ZFYVE9: variants seen among roughly 807,000 people sequenced by gnomAD.
ZFYVE9 encodes the protein zinc finger FYVE-type containing 9.
A neutral mutation model predicts 126.7 loss-of-function variants in ZFYVE9; 43 were observed. The ratio of observed to expected loss-of-function variants is 0.34; its 90% confidence interval spans 0.27 to 0.44. The LOEUF (loss-of-function observed/expected upper bound fraction) is 0.44, where lower values mean the gene tolerates loss of function less well. ZFYVE9 is among the 20% of genes least tolerant of loss of function. The pLI is 1.00. For missense variants in ZFYVE9, 1,476 were observed against 1,697.0 expected (o/e 0.87, Z 2.29); for synonymous variants, 521 against 597.4 (o/e 0.87, Z 1.87).
At chr1:52,233,803 T>C (rs1645247103) in intron 3 of ZFYVE9, among the ~76,000 whole-genome samples, 1 of 152,194 alleles carries the variant, frequency 6.6e-6, no homozygotes, top group Admixed American at 6.6e-5. Context: ...TGTTGGTTGG[T>C]TGGTTTTTTG....
chr1:52,164,519 T>C (rs1178663964), intron 1 of ZFYVE9, among the ~76,000 whole-genome samples: 2 of 152,130 alleles, frequency 1.3e-5, no homozygotes, highest in African/African-American at 4.8e-5. Flanking sequence ...AAGCCGACAA[T>C]GAGTATATAT....
At chr1:52,262,150 GCTTA>G (rs1445633573) in intron 4 of ZFYVE9, among the ~76,000 whole-genome samples, 2 of 152,326 alleles carry the variant, frequency 1.3e-5, no homozygotes, top group East Asian at 3.9e-4. Flanking sequence ...GCGAGGGCCT[GCTTA>G]CTTATAGACA....
At chr1:52,236,569 A>G (rs540751896) in intron 3 of ZFYVE9, among the ~76,000 whole-genome samples, 47 of 152,200 alleles carry the variant, frequency 3.1e-4, no homozygotes, top group Non-Finnish European at 5.9e-4. Flanking sequence ...CAGTAGCCCT[A>G]TAACTTGAGA....
intron 1 of ZFYVE9, chr1:52,180,324 C>T: frequency 6.3e-7 from 1 of 1,576,812 alleles, no homozygotes; most frequent in South Asian, 1.1e-5. Flanking sequence ...TAGGAATCTG[C>T]CCATGATATT....
intron 7 of ZFYVE9, among the ~76,000 whole-genome samples, chr1:52,273,152 A>T (rs1350056538): frequency 1.3e-5 from 2 of 151,770 alleles, no homozygotes; most frequent in African/African-American, 4.8e-5. Context: ...GATTACAGGC[A>T]TGCGCCACCA....
intron 1 of ZFYVE9, among the ~76,000 whole-genome samples, chr1:52,199,251 T>G (rs1438704579): frequency 6.6e-6 from 1 of 152,142 alleles, no homozygotes; most frequent in Non-Finnish European, 1.5e-5. Flanking sequence ...TTTTTTTTAG[T>G]AGAGACGGAG....
chr1:52,157,546 T>C (rs1478450050), intron 1 of ZFYVE9, among the ~76,000 whole-genome samples: 7 of 151,414 alleles, frequency 4.6e-5, no homozygotes, highest in African/African-American at 1.7e-4. Flanking sequence ...GGATGACAGG[T>C]GCCCACCACC....
At chr1:52,205,041 A>G (rs553458267) in intron 1 of ZFYVE9, among the ~76,000 whole-genome samples, 1 of 148,150 alleles carries the variant, frequency 6.7e-6, no homozygotes, top group Non-Finnish European at 1.5e-5. Flanking sequence ...TGTCCCTTCG[A>G]ATTTGGGTCA....
At chr1:52,162,682 G>A in intron 1 of ZFYVE9, 1 of 293,730 alleles carries the variant, frequency 3.4e-6, no homozygotes, top group Admixed American at 3.7e-5. Context: ...TTGGGATCTG[G>A]ATTTGCCCTT....
chr1:52,145,431 C>A (rs1244320897), intron 1 of ZFYVE9, among the ~76,000 whole-genome samples: 1 of 152,130 alleles, frequency 6.6e-6, no homozygotes, highest in Non-Finnish European at 1.5e-5. Flanking sequence ...TTCTTATGTT[C>A]CTAAAGATAT....
intron 1 of ZFYVE9, among the ~76,000 whole-genome samples, chr1:52,176,806 A>G (rs1644635864): frequency 6.6e-6 from 1 of 152,104 alleles, no homozygotes; most frequent in Non-Finnish European, 1.5e-5. Flanking sequence ...CAGGTGTGGG[A>G]TATAATCTCC....
chr1:52,345,120 G>C (rs566238502), intron 18 of ZFYVE9, among the ~76,000 whole-genome samples, 176 bp downstream of exon 18: 19 of 152,286 alleles, frequency 1.2e-4, no homozygotes, highest in African/African-American at 4.6e-4. Context: ...TGCTTGGTCA[G>C]ATTCTCTCAG....
At chr1:52,182,929 A>C (rs1411911722) in intron 1 of ZFYVE9, among the ~76,000 whole-genome samples, 2 of 152,162 alleles carry the variant, frequency 1.3e-5, no homozygotes, top group African/African-American at 2.4e-5. Flanking sequence ...TATAAAAAGA[A>C]TATTTAGTTT....
At chr1:52,209,967 A>C (rs1030112473) in intron 1 of ZFYVE9, among the ~76,000 whole-genome samples, 6 of 152,188 alleles carry the variant, frequency 3.9e-5, no homozygotes, top group Non-Finnish European at 8.8e-5. Context: ...GGGGGCAGGG[A>C]GACTAGGATT....
intron 2 of ZFYVE9, among the ~76,000 whole-genome samples, chr1:52,228,403 A>G (rs1645188881): frequency 6.6e-6 from 1 of 152,216 alleles, no homozygotes; most frequent in Non-Finnish European, 1.5e-5. Flanking sequence ...GTAGGAAGGA[A>G]TGTTTACCAC....
rs1366462391 is a variant in ZFYVE9, at chr1:52,239,546, C to A, written c.2129C>A (p.Ala710Asp). 4.3e-6 allele frequency: 7 copies of A among 1,613,984 alleles called. No individual in the cohort carries two copies. The Admixed American group carries it at 1.0e-4, about 23-fold the overall frequency. The change falls in exon 4 of 19, where the codon GCC becomes GAC. Residue 710 changes from alanine (A) to aspartate (D), a missense_variant. By Grantham distance (126) the Ala-to-Asp change is moderately radical (BLOSUM62 -2). This residue lies in a region of ZFYVE9 where 669 missense variants were observed against 902.4 expected (regional missense o/e 0.74). Transcript: ENST00000287727. ...SQAPNCMKCEARFTFTKRRHH... is the reference protein window; with the variant it reads ...SQAPNCMKCEDRFTFTKRRHH... Reference sequence around the variant, plus strand: ...GCTCCAAATTGCATGAAATGTGAAGCCAGGTTTACATTCACCAAAAGGAGG... The same window carrying A: ...GCTCCAAATTGCATGAAATGTGAAGACAGGTTTACATTCACCAAAAGGAGG...
At chr1:52,327,255 T>A (rs1646299841) in intron 13 of ZFYVE9, among the ~76,000 whole-genome samples, 1 of 152,168 alleles carries the variant, frequency 6.6e-6, no homozygotes, top group Admixed American at 6.5e-5. Context: ...GAGAATGTGC[T>A]ATGGCATTTC....
chr1:52,165,888 T>C (rs1644508679), intron 1 of ZFYVE9, among the ~76,000 whole-genome samples: 1 of 152,194 alleles, frequency 6.6e-6, no homozygotes, highest in African/African-American at 2.4e-5. Flanking sequence ...TCATCAATTA[T>C]TGGAGGATTG....
chr1:52,236,460 A>G (rs898196804), intron 3 of ZFYVE9, among the ~76,000 whole-genome samples: 3 of 152,196 alleles, frequency 2.0e-5, no homozygotes, highest in Non-Finnish European at 4.4e-5. Context: ...ATATATCTGC[A>G]TAATTTCAGG....
Sources: gnomAD v4.1 joint callset for allele counts (sites outside exome capture counted in the v4.1 genomes callset) on GRCh38, gnomAD v4.1.1 for gene constraint, gnomAD v4.1.1 regional missense constraint, MANE v1.5 for transcripts, NCBI Gene and HGNC (gene_info 2026-07-23, HGNC 2026-07-21) for gene names.